Variants in VWA3A observed in about 807,000 individuals in gnomAD.
VWA3A encodes the protein von Willebrand factor A domain-containing protein 3A.
VWA3A carries 134 observed loss-of-function variants against 160.4 expected under a neutral mutation model. The ratio of observed to expected loss-of-function variants is 0.84; its 90% CI spans 0.73 to 0.96. The LOEUF is 0.96. VWA3A is among the 40% of genes least tolerant of loss of function. VWA3A has a pLI of 0.00. For synonymous variants in VWA3A, 476 were observed against 543.4 expected (o/e 0.88, Z 1.72); for missense variants, 1,310 against 1,447.9 (o/e 0.90, Z 1.55).
intron 13 of VWA3A, 134 bp from the exon 14 acceptor site, chr16:22,121,380 G>A (rs1269785096): frequency 2.5e-6 from 2 of 809,084 alleles, no homozygotes; most frequent in East Asian, 2.5e-5. Context: ...GGAGTTTGAG[G>A]ATGCAGTGAG....
chr16:22,131,578 T>A lies in VWA3A; in HGVS notation c.1728-7T>A. On this transcript the variant is annotated splice_region_variant and splice_polypyrimidine_tract_variant and intron_variant, in intron 18 of 33. Coordinates refer to ENST00000389398, the MANE Select transcript of VWA3A (RefSeq NM_173615.5). ...GACCCTCAGCATGGCCATCTCTGCCTCCGCAGGTGGGCCCTGAACCTGCGG... is the reference window on the plus strand; with the variant it reads ...GACCCTCAGCATGGCCATCTCTGCCACCGCAGGTGGGCCCTGAACCTGCGG... The A allele has an allele frequency of 6.2e-7, 1 of 1,610,768 alleles. No individual in the cohort carries two copies. Among genetic ancestry groups the A allele is most frequent in the Non-Finnish European group, 8.5e-7 (1 of 1,178,334 alleles).
chr16:22,109,498 A>G lies in VWA3A; in HGVS notation c.500A>G (p.Lys167Arg). The change falls in exon 7 of 34, where the codon AAA becomes AGA. Residue 167 changes from lysine to arginine, a missense_variant. Physicochemically the swap from Lys to Arg is conservative, Grantham distance 26. Coordinates refer to ENST00000389398, the MANE Select transcript of VWA3A (RefSeq NM_173615.5). ...TGGTTTTAGGCATTTGGCCTCATCA[A>G]AGGGGCCAGAGTCAGCATCCTCATA... ...ENSKKAFGLI[K>R]GARVSILIDV... is the part of the protein sequence containing the mutation. 1 of 1,607,426 alleles carries G rather than the reference A, an allele frequency of 6.2e-7. No individual in the cohort carries two copies. Among genetic ancestry groups the G allele is most frequent in the Non-Finnish European group, 8.5e-7 (1 of 1,177,058 alleles).
chr16:22,112,714 C>T (rs187878421), intron 8 of VWA3A, among the ~76,000 whole-genome samples: 1 of 151,998 alleles, frequency 6.6e-6, no homozygotes, highest in Non-Finnish European at 1.5e-5. Flanking sequence ...CAGAGAGAGA[C>T]CCTGTCTCCA....
chr16:22,145,227 A>G (rs1164278835), intron 26 of VWA3A, among the ~76,000 whole-genome samples: 1 of 152,202 alleles, frequency 6.6e-6, no homozygotes, highest in Non-Finnish European at 1.5e-5. Flanking sequence ...ATTCAAAATT[A>G]TTCACTAGAG....
At chr16:22,127,290 C>A (rs974942102) in intron 17 of VWA3A, among the ~76,000 whole-genome samples, 27 of 140,650 alleles carry the variant, frequency 1.9e-4, no homozygotes, top group African/African-American at 8.0e-4. Flanking sequence ...CCACACCTGG[C>A]TAATCTTTGT....
chr16:22,103,067 G>A (rs1202196685), intron 5 of VWA3A, among the ~76,000 whole-genome samples: 5 of 152,048 alleles, frequency 3.3e-5, no homozygotes, highest in South Asian at 2.1e-4. Flanking sequence ...GTCTTTCCTC[G>A]ATTGTGCCCA....
intron 16 of VWA3A, among the ~76,000 whole-genome samples, chr16:22,125,580 C>T (rs1238486008): frequency 2.6e-5 from 4 of 151,904 alleles, no homozygotes; most frequent in Non-Finnish European, 1.5e-5. Flanking sequence ...CCCGCCACCA[C>T]GCTCGGCTAA....
intron 27 of VWA3A, 57 bp downstream of exon 27, chr16:22,146,401 GC>G: frequency 6.7e-7 from 1 of 1,487,966 alleles, no homozygotes. Context: ...TAGAAGGCTA[GC>G]CCCAGGGACC....
chr16:22,104,141 G>T (rs543957972), intron 6 of VWA3A, among the ~76,000 whole-genome samples: 1 of 152,090 alleles, frequency 6.6e-6, no homozygotes, highest in Admixed American at 6.5e-5. Context: ...CTTTAGACCC[G>T]CAATGAGATT....
intron 12 of VWA3A, among the ~76,000 whole-genome samples, chr16:22,119,927 A>C (rs2045705196): frequency 6.6e-6 from 1 of 151,818 alleles, no homozygotes; most frequent in Admixed American, 6.6e-5. Flanking sequence ...CTGATTCAGG[A>C]GAATCTCTTG....
At chr16:22,147,695 C>G in intron 27 of VWA3A, 1 of 701,638 alleles carries the variant, frequency 1.4e-6, no homozygotes, top group Non-Finnish European at 2.6e-6. Context: ...GTGAGCCTCT[C>G]TCCACCCTCG....
At chr16:22,120,851 A>G in intron 12 of VWA3A, 117 bp from the exon 13 acceptor site, 2 of 1,297,850 alleles carry the variant, frequency 1.5e-6, no homozygotes. Flanking sequence ...ACTGCCTTTA[A>G]TCTACCAGGG....
At chr16:22,116,689 C>A in intron 9 of VWA3A, 70 bp from the exon 10 acceptor site, 1 of 1,233,636 alleles carries the variant, frequency 8.1e-7, no homozygotes, top group South Asian at 1.2e-5. Context: ...TGGGAATTAC[C>A]GTTTTGCTCT....
intron 26 of VWA3A, 66 bp from the exon 27 acceptor site, chr16:22,146,170 G>T: frequency 7.8e-7 from 1 of 1,274,556 alleles, no homozygotes; most frequent in Admixed American, 2.0e-5. Flanking sequence ...ACAATTTTAG[G>T]GGGTGATGGG....
chr16:22,100,075 CAA>C (rs879133206), intron 3 of VWA3A, 117 bp from the exon 4 acceptor site: 1,991 of 1,008,010 alleles, frequency 2.0e-3, no homozygotes, highest in Middle Eastern at 2.9e-3. Context: ...AACTCCGTCT[CAA>C]AAAAAAAAAA....
At position 22,148,290 on chromosome 16, in the gene VWA3A, C is replaced by A. The variant is rs762549262; in HGVS notation, c.2968C>A (p.Arg990=). 2 of 1,595,976 alleles carry A rather than the reference C, an allele frequency of 1.3e-6. No individual in the cohort carries two copies. Among genetic ancestry groups the A allele is most frequent in the Non-Finnish European group, 8.5e-7 (1 of 1,171,586 alleles). ...ELVLLIWEQL[R]KCCDSFNLLS... ...GGTTTTGCTGATTTGGGAACAGCTGCGGAAGTGCTGTGACAGGTAGGAGGC... is the reference window on the plus strand; with the variant it reads ...GGTTTTGCTGATTTGGGAACAGCTGAGGAAGTGCTGTGACAGGTAGGAGGC... The change falls in exon 28 of 34, where the codon CGG becomes AGG. Residue 990 remains arginine (R), a synonymous_variant. Transcript: ENST00000389398.
Position 22,152,708 on chromosome 16 carries a change from C to G in VWA3A, c.3405+74C>G. ...AAATATCAACAGGCATGGGGTTTTC[C>G]TTCTTGAACTCCTGGGCTCAAGTGA... On this transcript the variant is annotated intron_variant, in intron 31 of 33. Transcript: ENST00000389398. The G allele has an allele frequency of 2.0e-6, 3 of 1,533,724 alleles. No individual in the cohort carries two copies. The South Asian group carries it at 3.6e-5, about 18-fold the overall frequency.
chr16:22,137,378 G>C (rs114773154), intron 21 of VWA3A, among the ~76,000 whole-genome samples: 1 of 152,308 alleles, frequency 6.6e-6, no homozygotes, highest in African/African-American at 2.4e-5. Context: ...GCGGCAAGCT[G>C]ACTGGCCCAC....
At chr16:22,104,534 C>A (rs1196939996) in intron 6 of VWA3A, among the ~76,000 whole-genome samples, 1 of 152,018 alleles carries the variant, frequency 6.6e-6, no homozygotes, top group East Asian at 1.9e-4. Context: ...TGATTAAGGG[C>A]TAGGCATAGT....
Sources: gnomAD v4.1 joint callset for allele counts (sites outside exome capture counted in the v4.1 genomes callset) on GRCh38, gnomAD v4.1.1 for gene constraint, MANE v1.5 for transcripts, NCBI Gene and HGNC (gene_info 2026-07-23, HGNC 2026-07-21) for gene names.